Variants in SCG3 observed in about 807,000 individuals in gnomAD.
SCG3 encodes the protein secretogranin III, also known as secretogranin-3.
In SCG3, 38 loss-of-function variants were observed where a neutral mutation model predicts 56.2. The ratio of observed to expected loss-of-function variants is 0.68; its 90% confidence interval spans 0.52 to 0.89. The LOEUF is 0.89. Ranked by LOEUF, SCG3 falls within the 40% of genes least tolerant of loss-of-function variation. The pLI, the probability that SCG3 is intolerant of heterozygous loss-of-function variation, is 0.00. For missense variants in SCG3, 524 were observed against 540.7 expected (o/e 0.97, Z 0.31); for synonymous variants, 176 against 184.2 (o/e 0.96, Z 0.36).
In SCG3 at chr15:51,683,133, A is replaced by G. The variant is rs369283204; in HGVS notation, c.181+9A>G. On this transcript the variant is annotated intron_variant, in intron 3 of 11. Transcript: ENST00000220478. ...AAAAACATATCCTCCAGGTAAAAAG[A>G]AATCATATTGATGTTAATTTAAATA... The G allele has an allele frequency of 5.0e-6, 8 of 1,607,188 alleles. No individual in the cohort carries two copies. The highest frequency in any genetic ancestry group is 6.8e-6 in the Non-Finnish European group (8 of 1,176,084).
intron 4 of SCG3, among the ~76,000 whole-genome samples, chr15:51,685,516 T>A (rs2055223161): frequency 6.6e-6 from 1 of 152,206 alleles, no homozygotes; most frequent in African/African-American, 2.4e-5. Context: ...AGGTATTAAC[T>A]CCACTTGAGA....
chr15:51,694,870 A>C (rs1209058140), intron 7 of SCG3, among the ~76,000 whole-genome samples: 2 of 152,106 alleles, frequency 1.3e-5, no homozygotes, highest in Non-Finnish European at 1.5e-5. Flanking sequence ...GTCTCTACTA[A>C]AAATACAAAA....
intron 10 of SCG3, among the ~76,000 whole-genome samples, chr15:51,704,118 C>T (rs77697035): frequency 6.6e-6 from 1 of 151,256 alleles, no homozygotes; most frequent in East Asian, 1.9e-4. Context: ...ATATGTGTGC[C>T]ATGTTTGGGG....
chr15:51,689,371 A>G lies in SCG3; in HGVS notation c.690+3A>G. 6.2e-7 allele frequency: 1 copy of G among 1,608,474 alleles called. No individual in the cohort carries two copies. The highest frequency in any genetic ancestry group is 8.5e-7 in the Non-Finnish European group (1 of 1,177,380). On this transcript the variant is annotated splice_donor_region_variant and intron_variant, in intron 6 of 11. Coordinates refer to ENST00000220478, the MANE Select transcript of SCG3 (RefSeq NM_013243.4). ...CTGGAAAAATACCAGAGAAAGTGGT[A>G]TGTATGTGTATATATGCATATGCAT...
intron 10 of SCG3, among the ~76,000 whole-genome samples, chr15:51,712,781 A>C (rs2055428909): frequency 6.6e-6 from 1 of 152,150 alleles, no homozygotes; most frequent in South Asian, 2.1e-4. Context: ...TTGCCATCCA[A>C]ACCTTGAAGT....
At chr15:51,693,211 A>T (rs2055279974) in intron 7 of SCG3, 1 of 152,220 alleles carries the variant, frequency 6.6e-6, no homozygotes, top group Admixed American at 6.5e-5. Context: ...TAGGAAGGAA[A>T]TCCTTCCATT....
chr15:51,718,653 C>T (rs996092145), intron 11 of SCG3, among the ~76,000 whole-genome samples: 2 of 151,762 alleles, frequency 1.3e-5, no homozygotes, highest in Non-Finnish European at 2.9e-5. Flanking sequence ...TTTTAAAAGG[C>T]TTCAGAAAGG....
intron 11 of SCG3, among the ~76,000 whole-genome samples, chr15:51,718,372 A>G (rs1337097866): frequency 1.3e-5 from 2 of 152,146 alleles, no homozygotes; most frequent in African/African-American, 4.8e-5. Flanking sequence ...TGCTTGCCAG[A>G]GAGGATATAA....
chr15:51,701,151 G>T lies in SCG3; in HGVS notation c.1114G>T (p.Glu372Ter). The change falls in exon 10 of 12, where the codon GAA (glutamate) becomes TAA (stop). Residue 372 changes from glutamate to a stop codon, truncating the protein, a stop_gained. Coordinates refer to ENST00000220478, the MANE Select transcript of SCG3 (RefSeq NM_013243.4). LOFTEE classifies it high-confidence loss of function. ...TGAAGAAACAGACAGTACCAAGGAA[G>T]AAGCAGCTAAGATGGAAAAGGAATA... ...SHEETDSTKE[E>*]AAKMEKEYGS... 6.2e-7 allele frequency: 1 copy of T among 1,613,924 alleles called. No homozygotes were observed. Among genetic ancestry groups the T allele is most frequent in the Non-Finnish European group, 8.5e-7 (1 of 1,179,928 alleles).
intron 11 of SCG3, among the ~76,000 whole-genome samples, chr15:51,717,686 C>A (rs975573645): frequency 1.3e-5 from 2 of 152,138 alleles, no homozygotes; most frequent in African/African-American, 4.8e-5. Flanking sequence ...CAGGAGCTTC[C>A]ATCCTTGTGG....
Position 51,683,222 on chromosome 15 carries a change from A to G in SCG3, c.185A>G (p.Asn62Ser), listed in dbSNP as rs1395742662. 1.2e-6 allele frequency: 2 copies of G among 1,612,810 alleles called. No individual in the cohort carries two copies. The highest frequency in any genetic ancestry group is 1.7e-6 in the Non-Finnish European group (2 of 1,179,452). Residue 62 changes from asparagine (N) to serine (S), a missense_variant, in exon 4 of 12, where the codon AAC (asparagine) becomes AGC (serine). Asn to Ser is a conservative substitution (Grantham distance 46). Transcript: ENST00000220478. ...DKIKKTYPPENKPGQSNYSFV... is the reference protein window; with the variant it reads ...DKIKKTYPPESKPGQSNYSFV... ...GGGTTTGGGGCTATTCTTCCAGAAA[A>G]CAAGCCAGGTCAGAGCAACTATTCT...
intron 2 of SCG3, 122 bp from the exon 3 acceptor site, chr15:51,682,957 A>G: frequency 1.3e-6 from 1 of 743,624 alleles, no homozygotes; most frequent in Non-Finnish European, 2.2e-6. Flanking sequence ...TGAAATAGGA[A>G]TTATCCACAT....
At chr15:51,715,860 ACT>A (rs1491138165) in intron 11 of SCG3, among the ~76,000 whole-genome samples, 29 of 147,574 alleles carry the variant, frequency 2.0e-4, no homozygotes, top group African/African-American at 7.3e-4. Flanking sequence ...GGGAGTCTGC[ACT>A]TTTTTTTTTT....
intron 10 of SCG3, among the ~76,000 whole-genome samples, chr15:51,704,601 G>A (rs2055361549): frequency 6.6e-6 from 1 of 150,790 alleles, no homozygotes; most frequent in South Asian, 2.1e-4. Flanking sequence ...ACGTAACTTA[G>A]CATCATGTCC....
At chr15:51,709,717 T>A (rs1215848123) in intron 10 of SCG3, among the ~76,000 whole-genome samples, 51 of 50,134 alleles carry the variant, frequency 1.0e-3, no homozygotes, top group Non-Finnish European at 1.2e-3. Flanking sequence ...TTTTTTTTTT[T>A]TTTTTTTTTT....
chr15:51,683,356 G>A lies in SCG3; in HGVS notation c.319G>A (p.Asp107Asn), dbSNP rs566369669. The A allele has an allele frequency of 6.2e-7, 1 of 1,613,400 alleles. No individual in the cohort carries two copies. Among genetic ancestry groups the A allele is most frequent in the East Asian group, 2.2e-5 (1 of 44,840 alleles). ...SPLDNKLNVE[D>N]VDSTKNRKLI... is the part of the protein sequence containing the mutation. ...ACTTGATAATAAGTTGAATGTGGAAGATGTTGATTCAACCAAGAATCGAAA... is the reference window on the plus strand; with the variant it reads ...ACTTGATAATAAGTTGAATGTGGAAAATGTTGATTCAACCAAGAATCGAAA... The change falls in exon 4 of 12, where the codon GAT (aspartate) becomes AAT (asparagine). Residue 107 changes from aspartate (D) to asparagine (N), a missense_variant. By Grantham distance (23) the Asp-to-Asn change is conservative. Transcript: ENST00000220478.
intron 10 of SCG3, chr15:51,713,053 C>A: frequency 3.7e-6 from 1 of 269,724 alleles, no homozygotes; most frequent in Non-Finnish European, 7.0e-6. Context: ...GCCAGGACAT[C>A]AAGGTGGATT....
At chr15:51,698,384 G>C (rs1005305873) in intron 8 of SCG3, among the ~76,000 whole-genome samples, 3 of 152,150 alleles carry the variant, frequency 2.0e-5, no homozygotes. Context: ...TTAATATGAT[G>C]CTACTCCAAA....
chr15:51,693,020 C>T (rs940326811), intron 7 of SCG3, among the ~76,000 whole-genome samples: 2 of 151,970 alleles, frequency 1.3e-5, no homozygotes, highest in Non-Finnish European at 2.9e-5. Context: ...AATTTCATAC[C>T]CTTTGACCAA....
Sources: gnomAD v4.1 joint callset for allele counts (sites outside exome capture counted in the v4.1 genomes callset) on GRCh38, gnomAD v4.1.1 for gene constraint, MANE v1.5 for transcripts, NCBI Gene and HGNC (gene_info 2026-07-23, HGNC 2026-07-21) for gene names.